PCDHGB1: variants seen among roughly 807,000 people sequenced by gnomAD.
PCDHGB1 encodes the protein protocadherin gamma-B1.
In PCDHGB1, 34 loss-of-function variants were observed where a neutral mutation model predicts 56.6. That is an observed-to-expected ratio of 0.60 (90% CI 0.46 to 0.80). PCDHGB1 has a LOEUF of 0.80. Ranked by LOEUF, PCDHGB1 falls within the 30% of genes least tolerant of loss-of-function variation. PCDHGB1 has a pLI of 0.00. For synonymous variants in PCDHGB1, 561 were observed against 505.9 expected (o/e 1.11, Z -1.46); for missense variants, 1,278 against 1,204.6 (o/e 1.06, Z -0.90).
At chr5:141,437,381 C>T (rs2097879875) in intron 1 of PCDHGB1, among the ~76,000 whole-genome samples, 1 of 152,222 alleles carries the variant, frequency 6.6e-6, no homozygotes, top group Non-Finnish European at 1.5e-5. Flanking sequence ...AGTCAGAAGA[C>T]ATTCATCCAC....
At position 141,413,561 on chromosome 5, in the gene PCDHGB1, AT is replaced by A. The variant is rs1363955348; in HGVS notation, c.2409+60893del. The stretch of plus-strand genomic sequence containing the variant: ...TTTGGGATAGAAATAGAAGTAACTG[AT>A]ATCAATGACAATGCTCCAAAATTCC... On this transcript the variant is annotated intron_variant, in intron 1 of 3. Coordinates refer to ENST00000523390, the MANE Select transcript of PCDHGB1 (RefSeq NM_018922.3). The A allele has an allele frequency of 6.2e-6, 10 of 1,613,806 alleles. No individual in the cohort carries two copies. In the Admixed American group the frequency reaches 1.3e-4, roughly 22 times the overall value.
At position 141,491,084 on chromosome 5, in the gene PCDHGB1, C is replaced by T; in HGVS notation, c.2410-3723C>T. On this transcript the variant is annotated intron_variant, in intron 1 of 3. Transcript: ENST00000523390. This position sits in a 1 kb window ranked among gnomAD's most constrained non-coding sequence, Gnocchi z 6.9. ...TACTCACTGTTGCCACAGTCCACAGCCCCAGGACTGTTCCTCGTGTCTACA... is the reference window on the plus strand; with the variant it reads ...TACTCACTGTTGCCACAGTCCACAGTCCCAGGACTGTTCCTCGTGTCTACA... The T allele has an allele frequency of 6.2e-7, 1 of 1,614,106 alleles. No homozygotes were observed. The highest frequency in any genetic ancestry group is 1.1e-5 in the South Asian group (1 of 91,082).
At chr5:141,436,910 TGTGA>T (rs1332506247) in intron 1 of PCDHGB1, among the ~76,000 whole-genome samples, 1 of 152,228 alleles carries the variant, frequency 6.6e-6, no homozygotes, top group Non-Finnish European at 1.5e-5. Flanking sequence ...GAGACAATTT[TGTGA>T]GTGTTACTTT....
chr5:141,357,140 A>G (rs1240951926), intron 1 of PCDHGB1: 6 of 1,613,556 alleles, frequency 3.7e-6, no homozygotes, highest in Non-Finnish European at 5.1e-6. Flanking sequence ...GTGGTCGTCC[A>G]GGACCATGGC....
chr5:141,372,258 C>A (rs762173867), intron 1 of PCDHGB1: 22 of 1,612,952 alleles, frequency 1.4e-5, no homozygotes, highest in Non-Finnish European at 1.9e-5. Context: ...CCTGGGCCTG[C>A]GCACGGGTGA....
At chr5:141,399,613 G>C (rs752648693) in intron 1 of PCDHGB1, 1 of 1,613,928 alleles carries the variant, frequency 6.2e-7, no homozygotes, top group South Asian at 1.1e-5. Context: ...AGAGCCTCTG[G>C]CACTGGCCTC....
At position 141,511,355 on chromosome 5, in the gene PCDHGB1, G is replaced by A; in HGVS notation, c.*182G>A. On this transcript the variant is annotated 3_prime_UTR_variant, in exon 4 of 4. Coordinates refer to ENST00000523390, the MANE Select transcript of PCDHGB1 (RefSeq NM_018922.3). ...TCAGCACCTACCCCTTCCCCCCCAG[G>A]GGGTTGAATATGCAAAAGCAGTTCC... 4 of 1,379,256 alleles carry A rather than the reference G, an allele frequency of 2.9e-6. No individual in the cohort carries two copies. The highest frequency in any genetic ancestry group is 3.9e-6 in the Non-Finnish European group (4 of 1,035,886). 85.4% of individuals were successfully genotyped at this position (1,379,256 alleles called of 1,614,324 possible).
intron 1 of PCDHGB1, chr5:141,372,064 A>G (rs534724571): frequency 1.2e-6 from 2 of 1,613,610 alleles, no homozygotes; most frequent in Non-Finnish European, 1.7e-6. Context: ...GACCGCAACG[A>G]CAATGCACCG....
intron 1 of PCDHGB1, chr5:141,423,848 G>A: frequency 1.6e-6 from 2 of 1,277,462 alleles, no homozygotes; most frequent in Non-Finnish European, 2.0e-6. Flanking sequence ...TAATCTTTCA[G>A]AACGTTTTTG....
Position 141,432,292 on chromosome 5 carries a change from T to G in PCDHGB1, c.2410-62515T>G. 6.2e-7 allele frequency: 1 copy of G among 1,614,196 alleles called. No homozygotes were observed. The highest frequency in any genetic ancestry group is 8.5e-7 in the Non-Finnish European group (1 of 1,180,042). On this transcript the variant is annotated intron_variant, in intron 1 of 3. Transcript: ENST00000523390. This position sits in a 1 kb window ranked among gnomAD's most constrained non-coding sequence, Gnocchi z 6.0. Reference sequence around the variant, plus strand: ...CCTACGTGTCCATCAACTCCGACACTGGGGTACTGTATGCGCTGAGCTCCT... The same window carrying G: ...CCTACGTGTCCATCAACTCCGACACGGGGGTACTGTATGCGCTGAGCTCCT...
At chr5:141,466,574 T>C (rs978880367) in intron 1 of PCDHGB1, among the ~76,000 whole-genome samples, 5 of 152,218 alleles carry the variant, frequency 3.3e-5, no homozygotes, top group Non-Finnish European at 5.9e-5. Flanking sequence ...CAACATTGTC[T>C]CATCCCTTCT....
chr5:141,405,648 G>A (rs936380418), intron 1 of PCDHGB1: 3 of 523,734 alleles, frequency 5.7e-6, no homozygotes, highest in East Asian at 3.2e-5. Flanking sequence ...CTAATTTTTT[G>A]TGTGTTTTTA....
chr5:141,393,527 T>C, intron 1 of PCDHGB1: 2 of 1,613,990 alleles, frequency 1.2e-6, no homozygotes, highest in South Asian at 1.1e-5. Context: ...CAAATGACAA[T>C]GCCCCGGTTT....
intron 1 of PCDHGB1, chr5:141,414,929 C>T (rs2095802879): frequency 6.2e-7 from 1 of 1,614,152 alleles, no homozygotes; most frequent in Non-Finnish European, 8.5e-7. Context: ...GCGCCCCGCT[C>T]CGCAGAGCCC....
intron 1 of PCDHGB1, chr5:141,371,816 C>T: frequency 6.2e-7 from 1 of 1,613,888 alleles, no homozygotes; most frequent in Non-Finnish European, 8.5e-7. Context: ...TTGCGCATGT[C>T]AGAGCCTCGG....
At chr5:141,372,782 G>A (rs761699184) in intron 1 of PCDHGB1, 19 of 1,608,122 alleles carry the variant, frequency 1.2e-5, no homozygotes, top group African/African-American at 5.3e-5. Flanking sequence ...ATCCAGAAAT[G>A]CCTTCTAATT....
chr5:141,485,680 C>T lies in PCDHGB1; in HGVS notation c.2410-9127C>T. The T allele has an allele frequency of 6.2e-7, 1 of 1,613,966 alleles. No individual in the cohort carries two copies. Among genetic ancestry groups the T allele is most frequent in the South Asian group, 1.1e-5 (1 of 91,066 alleles). The stretch of plus-strand genomic sequence containing the variant: ...ATGTGGGGAGCAATTCGATTAGCAG[C>T]TATAGGCTGAGCTCCAATGAACACT... On this transcript the variant is annotated intron_variant, in intron 1 of 3. Coordinates refer to ENST00000523390, the MANE Select transcript of PCDHGB1 (RefSeq NM_018922.3). The surrounding 1 kb of genome is among the most constrained non-coding windows in gnomAD (Gnocchi z 5.7).
At chr5:141,496,402 G>T (rs551923899) in intron 2 of PCDHGB1, among the ~76,000 whole-genome samples, 183 of 152,248 alleles carry the variant, frequency 1.2e-3, no homozygotes, top group African/African-American at 4.0e-3. Flanking sequence ...CCTCCTCAAT[G>T]GTTGAGTACT....
In PCDHGB1 at chr5:141,510,272, T is replaced by TAAA. The variant is rs546154379; in HGVS notation, c.2558-658_2558-656dup. 1.5e-3 allele frequency among the ~76,000 whole-genome samples: 198 copies of TAAA among 130,372 alleles called. 1 individual carries two copies. Among genetic ancestry groups the TAAA allele is most frequent in the Non-Finnish European group, 2.8e-3 (172 of 61,058 alleles). The allele number at this position is 130,372 out of a possible 152,430, so 85.5% of individuals were successfully genotyped here. ...TGGGCGACAGAGCAGGACTCCATCTTAAAAAAAAAAAAAAAAAAATGCTGT... is the reference window on the plus strand; with the variant it reads ...TGGGCGACAGAGCAGGACTCCATCTTAAAAAAAAAAAAAAAAAAAAAATGCTGT... On this transcript the variant is annotated intron_variant, in intron 3 of 3. Coordinates refer to ENST00000523390, the MANE Select transcript of PCDHGB1 (RefSeq NM_018922.3).
Sources: allele counts gnomAD v4.1 joint callset (sites outside exome capture counted in the v4.1 genomes callset), GRCh38; gene constraint gnomAD v4.1.1; non-coding constraint Gnocchi (gnomAD v3.1); transcripts MANE v1.5; gene names NCBI Gene and HGNC (gene_info 2026-07-23, HGNC 2026-07-21).